Variants in NPNT observed in about 807,000 individuals in gnomAD.
NPNT encodes preosteoblast EGF-like repeat protein with MAM domain.
A neutral mutation model predicts 68.6 loss-of-function variants in NPNT; 45 were observed. That is an observed-to-expected ratio of 0.66 (90% confidence interval 0.52 to 0.84). The LOEUF is 0.84. Among genes scored for constraint, NPNT ranks in the 40% least tolerant of loss-of-function variants. The pLI, the probability that NPNT is intolerant of heterozygous loss-of-function variation, is 0.00. For missense variants in NPNT, 672 were observed against 714.8 expected (o/e 0.94, Z 0.68); for synonymous variants, 233 against 253.3 (o/e 0.92, Z 0.76).
At chr4:105,950,804 A>G (rs1259559488) in intron 8 of NPNT, among the ~76,000 whole-genome samples, 3 of 151,988 alleles carry the variant, frequency 2.0e-5, no homozygotes, top group Non-Finnish European at 4.4e-5. Context: ...GGTTATTTTA[A>G]TAGAGACAGG....
chr4:105,936,616 G>A (rs1277648050), intron 3 of NPNT, among the ~76,000 whole-genome samples: 1 of 152,186 alleles, frequency 6.6e-6, no homozygotes, highest in Non-Finnish European at 1.5e-5. Context: ...AACGAATAGG[G>A]TTACATTGTC....
chr4:105,932,916 T>C (rs747998448), intron 3 of NPNT, among the ~76,000 whole-genome samples: 2 of 152,210 alleles, frequency 1.3e-5, no homozygotes, highest in Non-Finnish European at 2.9e-5. Context: ...TCGAGTATCA[T>C]TGCTTTTCTT....
In NPNT at chr4:105,914,200, C is replaced by CTA. The variant is rs756324208; in HGVS notation, c.173-13122_173-13121dup. 2.6e-3 allele frequency among the ~76,000 whole-genome samples: 374 copies of CTA among 144,042 alleles called. 2 individuals carry two copies. Among genetic ancestry groups the CTA allele is most frequent in the East Asian group, 9.6e-3 (47 of 4,918 alleles). 94.5% of individuals were successfully genotyped at this position (144,042 alleles called of 152,430 possible). The stretch of plus-strand genomic sequence containing the variant: ...TGAACTCAATGGTATTCAGTTGATA[C>CTA]TATATATATATATATTATCAGTATA... On this transcript the variant is annotated intron_variant, in intron 2 of 11. Transcript: ENST00000379987.
chr4:105,959,429 T>C (rs928385308), intron 10 of NPNT, among the ~76,000 whole-genome samples: 1 of 152,130 alleles, frequency 6.6e-6, no homozygotes, highest in Non-Finnish European at 1.5e-5. Flanking sequence ...AAGTTATTTG[T>C]AGCACCCATT....
chr4:105,923,175 G>C (rs565374771), intron 2 of NPNT, among the ~76,000 whole-genome samples: 27 of 152,298 alleles, frequency 1.8e-4, no homozygotes, highest in South Asian at 4.2e-4. Flanking sequence ...GTTGGTTTTT[G>C]CTGACCTCTG....
At chr4:105,945,791 A>G (rs4074126) in intron 8 of NPNT, among the ~76,000 whole-genome samples, 129,129 of 152,236 alleles carry the variant, frequency 0.85, 55,843 homozygotes, top group East Asian at 1. Context: ...AGTGAAACAT[A>G]CTGATTTTCC....
chr4:105,936,847 A>G (rs931715532), intron 3 of NPNT, among the ~76,000 whole-genome samples, 162 bp from the exon 4 acceptor site: 1 of 152,206 alleles, frequency 6.6e-6, no homozygotes, highest in Admixed American at 6.5e-5. Context: ...CGTACCTTCA[A>G]ATTAATATTG....
chr4:105,936,827 C>T (rs1039845171), intron 3 of NPNT, among the ~76,000 whole-genome samples, 182 bp from the exon 4 acceptor site: 49 of 152,082 alleles, frequency 3.2e-4, no homozygotes, highest in African/African-American at 9.2e-4. Context: ...CCTGGTTGCC[C>T]CTAGTGTAAC....
Position 105,969,132 on chromosome 4 carries a change from T to A in NPNT, c.*142T>A, listed in dbSNP as rs907930265. On this transcript the variant is annotated 3_prime_UTR_variant, in exon 12 of 12. Coordinates refer to ENST00000379987, the MANE Select transcript of NPNT (RefSeq NM_001033047.3). ...AAGGAAGTCTATTTGGTGACCCAGG[T>A]TTTTCTGGCCTGCTTTTGTGCAATC... The A allele has an allele frequency of 5.1e-6, 3 of 582,844 alleles. No individual in the cohort carries two copies. In the African/African-American group the frequency reaches 5.6e-5, roughly 11 times the overall value. The allele number at this position is 582,844 out of a possible 1,614,324, so 36.1% of individuals were successfully genotyped here. A position where few individuals can be genotyped will look rare whatever the true frequency, so the allele number is the denominator to read the frequency against.
chr4:105,950,232 A>G (rs1259455128), intron 8 of NPNT, among the ~76,000 whole-genome samples: 4 of 152,214 alleles, frequency 2.6e-5, no homozygotes, highest in Non-Finnish European at 5.9e-5. Context: ...TTGTATTACG[A>G]GAGGGAATAT....
intron 10 of NPNT, among the ~76,000 whole-genome samples, chr4:105,963,753 G>C (rs1731914366): frequency 6.7e-6 from 1 of 150,128 alleles, no homozygotes; most frequent in East Asian, 1.9e-4. Context: ...GCTTACATAT[G>C]TATCAAGTAT....
chr4:105,918,530 C>G (rs1441404590), intron 2 of NPNT, among the ~76,000 whole-genome samples: 1 of 152,106 alleles, frequency 6.6e-6, no homozygotes, highest in Non-Finnish European at 1.5e-5. Context: ...TATTATATTT[C>G]CTTTTTGAAA....
chr4:105,904,330 C>T (rs1299909445), intron 2 of NPNT, among the ~76,000 whole-genome samples: 3 of 152,186 alleles, frequency 2.0e-5, no homozygotes, highest in Non-Finnish European at 1.5e-5. Context: ...CCAATGACTT[C>T]TTACTCAGTA....
In NPNT at chr4:105,969,193, G is replaced by A. The variant is rs6810955; in HGVS notation, c.*203G>A. The A allele has an allele frequency of 0.035, 15,990 of 460,698 alleles. 364 individuals are homozygous for A. Among genetic ancestry groups the A allele is most frequent in the Non-Finnish European group, 0.049 (12,498 of 256,426 alleles). 28.5% of individuals were successfully genotyped at this position (460,698 alleles called of 1,614,324 possible). On this transcript the variant is annotated 3_prime_UTR_variant, in exon 12 of 12. Coordinates refer to ENST00000379987, the MANE Select transcript of NPNT (RefSeq NM_001033047.3). ...GTGATACCCTCCTTGAAATACAGGG[G>A]CATCGCAGACACATCAAAGCCATCT...
chr4:105,960,425 A>C (rs1731629106), intron 10 of NPNT, among the ~76,000 whole-genome samples: 1 of 152,210 alleles, frequency 6.6e-6, no homozygotes, highest in African/African-American at 2.4e-5. Context: ...AGGCTCCCTG[A>C]AGATCTCTAT....
chr4:105,935,516 G>A (rs1399465728), intron 3 of NPNT, among the ~76,000 whole-genome samples: 1 of 152,166 alleles, frequency 6.6e-6, no homozygotes, highest in Non-Finnish European at 1.5e-5. Flanking sequence ...TTAACAGAGG[G>A]AGAAAACATT....
chr4:105,895,657 A>AT lies in NPNT; in HGVS notation c.9dup (p.Leu4SerfsTer40), dbSNP rs1725757361. On this transcript the variant is annotated frameshift_variant, in exon 1 of 12. Transcript: ENST00000379987. LOFTEE classifies it high-confidence loss of function. Reference sequence around the variant, plus strand: ...CCCCAGGACCCGCTGCCCAACATGGATTTTCTCCTGGCGCTGGTGCTGGTA... The same window carrying AT: ...CCCCAGGACCCGCTGCCCAACATGGATTTTTCTCCTGGCGCTGGTGCTGGTA... 6.4e-7 allele frequency: 1 copy of AT among 1,550,832 alleles called. No individual in the cohort carries two copies. Among genetic ancestry groups the AT allele is most frequent in the Non-Finnish European group, 8.7e-7 (1 of 1,147,194 alleles).
intron 8 of NPNT, among the ~76,000 whole-genome samples, chr4:105,957,308 A>G (rs1009072128): frequency 1.3e-5 from 2 of 152,126 alleles, no homozygotes; most frequent in Admixed American, 6.6e-5. Context: ...GCCATGTAAG[A>G]TCCAGACCCT....
At position 105,951,091 on chromosome 4, in the gene NPNT, T is replaced by C. The variant is rs761139929; in HGVS notation, c.1160-7380T>C. On this transcript the variant is annotated intron_variant, in intron 8 of 11. Transcript: ENST00000379987. ...TAGCAGGGCTCTTTCTAAAGCATAATGGCAGCTCCAACCCAGCAGAACCAT... is the reference window on the plus strand; with the variant it reads ...TAGCAGGGCTCTTTCTAAAGCATAACGGCAGCTCCAACCCAGCAGAACCAT... Among the ~76,000 whole-genome samples the C allele has an allele frequency of 6.6e-4, 101 of 152,180 alleles. 1 individual carries two copies. Among genetic ancestry groups the C allele is most frequent in the Non-Finnish European group, 5.0e-4 (34 of 68,026 alleles).
Sources: gnomAD v4.1 joint callset for allele counts (sites outside exome capture counted in the v4.1 genomes callset) on GRCh38, gnomAD v4.1.1 for gene constraint, MANE v1.5 for transcripts, NCBI Gene and HGNC (gene_info 2026-07-23, HGNC 2026-07-21) for gene names.